The following ZRANB3 variants were observed in gnomAD, a reference collection of about 807,000 sequenced individuals.
ZRANB3 encodes the protein zinc finger RANBP2-type containing 3, also known as DNA annealing helicase and endonuclease ZRANB3.
In ZRANB3, 125 loss-of-function variants were observed where a neutral mutation model predicts 133.8. That is an observed-to-expected ratio of 0.93 (90% confidence interval 0.81 to 1.08). ZRANB3 has a LOEUF of 1.08. Among genes scored for constraint, ZRANB3 ranks in the 50% least tolerant of loss-of-function variants. The pLI, the probability that ZRANB3 is intolerant of heterozygous loss-of-function variation, is 0.00. For missense variants in ZRANB3, 1,229 were observed against 1,275.5 expected, an observed-to-expected ratio of 0.96 and a Z score of 0.56; for synonymous variants, 387 against 432.7, an observed-to-expected ratio of 0.89 and a Z score of 1.31.
chr2:135,407,586 C>T (rs1278306680), intron 2 of ZRANB3, among the ~76,000 whole-genome samples: 1 of 150,510 alleles, frequency 6.6e-6, no homozygotes, highest in Non-Finnish European at 1.5e-5. Context: ...TACAAGGCTA[C>T]AGTAACCAAA....
chr2:135,352,758 C>A (rs1685268435), intron 4 of ZRANB3, among the ~76,000 whole-genome samples: 1 of 152,058 alleles, frequency 6.6e-6, no homozygotes, highest in South Asian at 2.1e-4. Flanking sequence ...AGTAGATGTA[C>A]TGTACTGCTT....
At chr2:135,300,068 C>CA (rs1682355786) in intron 8 of ZRANB3, among the ~76,000 whole-genome samples, 1 of 151,994 alleles carries the variant, frequency 6.6e-6, no homozygotes. Flanking sequence ...TCTCTAGGCC[C>CA]AATGCTCTCT....
At chr2:135,409,446 T>TG (rs1553487370) in intron 2 of ZRANB3, among the ~76,000 whole-genome samples, 1 of 151,270 alleles carries the variant, frequency 6.6e-6, no homozygotes, top group Non-Finnish European at 1.5e-5. Flanking sequence ...CGCTTTATGA[T>TG]AAAAAAAAAC....
At chr2:135,397,510 T>C (rs1157882600) in intron 2 of ZRANB3, among the ~76,000 whole-genome samples, 1 of 151,914 alleles carries the variant, frequency 6.6e-6, no homozygotes, top group Non-Finnish European at 1.5e-5. Context: ...AGGATGGGTA[T>C]ATCCTGTTGA....
chr2:135,498,523 G>A (rs1038357390), intron 2 of ZRANB3, among the ~76,000 whole-genome samples: 11 of 152,074 alleles, frequency 7.2e-5, no homozygotes, highest in African/African-American at 2.7e-4. Context: ...TGCGTTAACT[G>A]CACAAATTGT....
intron 5 of ZRANB3, among the ~76,000 whole-genome samples, chr2:135,346,447 T>C (rs567183453): frequency 6.6e-6 from 1 of 152,098 alleles, no homozygotes; most frequent in Non-Finnish European, 1.5e-5. Context: ...TTCATATAAC[T>C]GTGTGTGTAT....
chr2:135,311,767 A>G (rs552328684), intron 8 of ZRANB3, among the ~76,000 whole-genome samples: 5 of 152,256 alleles, frequency 3.3e-5, no homozygotes, highest in Admixed American at 6.5e-5. Context: ...AAATTTTTTT[A>G]AAGTTTTGTT....
intron 2 of ZRANB3, among the ~76,000 whole-genome samples, chr2:135,412,833 T>C (rs1265093345): frequency 6.6e-6 from 1 of 152,196 alleles, no homozygotes; most frequent in Non-Finnish European, 1.5e-5. Context: ...ATTTTCAAGA[T>C]ATTATCAAGC....
chr2:135,448,690 G>C (rs553426565), intron 2 of ZRANB3, among the ~76,000 whole-genome samples: 1 of 152,260 alleles, frequency 6.6e-6, no homozygotes, highest in Non-Finnish European at 1.5e-5. Context: ...GATTTATAAG[G>C]CTCAAATGGA....
In ZRANB3 at chr2:135,494,263, G is replaced by A. The variant is rs1293126109; in HGVS notation, c.161+10066C>T. ...GCGGAGCTTGCAGTGAGCTGAGATC[G>A]CGCCACTGCACTCCAGCCTGGGTGA... is the stretch of plus-strand genomic sequence containing the variant. On this transcript the variant is annotated intron_variant, in intron 2 of 20. Coordinates refer to ENST00000264159, the MANE Select transcript of ZRANB3 (RefSeq NM_032143.4). 4.2e-5 allele frequency among the ~76,000 whole-genome samples: 6 copies of A among 143,584 alleles called. No individual in the cohort carries two copies. The South Asian group carries it at 1.1e-3, about 27-fold the overall frequency. The allele number at this position is 143,584 out of a possible 152,430, so 94.2% of individuals were successfully genotyped here.
chr2:135,261,020 T>C (rs1679938267), intron 12 of ZRANB3, among the ~76,000 whole-genome samples: 1 of 149,082 alleles, frequency 6.7e-6, no homozygotes, highest in Admixed American at 6.8e-5. Flanking sequence ...TAATATTCAA[T>C]AATATACTGA....
rs1487204644 is a variant in ZRANB3, at chr2:135,199,653, T to A, written c.*689A>T. 6.6e-6 allele frequency: 1 copy of A among 152,212 alleles called. No individual in the cohort carries two copies. Among genetic ancestry groups the A allele is most frequent in the Non-Finnish European group, 1.5e-5 (1 of 68,052 alleles). 9.4% of individuals were successfully genotyped at this position (152,212 alleles called of 1,614,324 possible). On this transcript the variant is annotated 3_prime_UTR_variant, in exon 21 of 21. Coordinates refer to ENST00000264159, the MANE Select transcript of ZRANB3 (RefSeq NM_032143.4). ...TAAAAAAAGATCTAAAAAATCAAGC[T>A]TAAGTGGCATTTTACATTTTATGTT...
At chr2:135,310,499 A>G (rs553099775) in intron 8 of ZRANB3, among the ~76,000 whole-genome samples, 22 of 152,316 alleles carry the variant, frequency 1.4e-4, no homozygotes, top group African/African-American at 5.1e-4. Context: ...ATTTTGTAGC[A>G]TATAAAAGAA....
intron 2 of ZRANB3, among the ~76,000 whole-genome samples, chr2:135,392,714 C>T (rs1442766325): frequency 6.6e-6 from 1 of 152,188 alleles, no homozygotes. Flanking sequence ...TGCCACTGCA[C>T]TCCAGCTTGG....
intron 8 of ZRANB3, among the ~76,000 whole-genome samples, chr2:135,293,188 T>G (rs1182860315): frequency 6.6e-6 from 1 of 152,218 alleles, no homozygotes; most frequent in Non-Finnish European, 1.5e-5. Context: ...CCTTGGGCAG[T>G]ATGGCCATTT....
intron 3 of ZRANB3, among the ~76,000 whole-genome samples, chr2:135,356,051 C>A (rs889639489): frequency 6.6e-6 from 1 of 152,032 alleles, no homozygotes; most frequent in African/African-American, 2.4e-5. Flanking sequence ...TGCCAGACAA[C>A]TCTCTCCCAA....
chr2:135,492,004 C>T (rs1447273823), intron 2 of ZRANB3, among the ~76,000 whole-genome samples: 1 of 152,098 alleles, frequency 6.6e-6, no homozygotes, highest in Non-Finnish European at 1.5e-5. Context: ...GAGTATATTA[C>T]ACAAAACATT....
intron 8 of ZRANB3, among the ~76,000 whole-genome samples, chr2:135,312,952 G>A (rs1480746872): frequency 6.6e-6 from 1 of 151,398 alleles, no homozygotes; most frequent in South Asian, 2.1e-4. Flanking sequence ...CCCAGGAGGT[G>A]GAGGTTGCAG....
intron 3 of ZRANB3, among the ~76,000 whole-genome samples, chr2:135,385,545 G>C (rs937046019): frequency 5.9e-5 from 9 of 152,018 alleles, no homozygotes; most frequent in Non-Finnish European, 1.2e-4. Flanking sequence ...CCTACACAAA[G>C]AAAAACAAAG....
Sources: gnomAD v4.1 joint callset for allele counts (sites outside exome capture counted in the v4.1 genomes callset) on GRCh38, gnomAD v4.1.1 for gene constraint, MANE v1.5 for transcripts, NCBI Gene and HGNC (gene_info 2026-07-23, HGNC 2026-07-21) for gene names.